Variants in FRMD4A observed in about 807,000 individuals in gnomAD.
FRMD4A encodes FERM domain containing 4A.
A neutral mutation model predicts 129.1 loss-of-function variants in FRMD4A; 29 were observed. The observed-to-expected ratio is 0.22, with a 90% CI of 0.17 to 0.31. The LOEUF is 0.31. FRMD4A is among the 10% of genes least tolerant of loss of function. The pLI is 1.00. For synonymous variants in FRMD4A, 634 were observed against 571.6 expected (o/e 1.11, Z -1.56); for missense variants, 1,272 against 1,375.8 (o/e 0.92, Z 1.19).
At chr10:13,973,100 G>A (rs944867556) in intron 2 of FRMD4A, among the ~76,000 whole-genome samples, 1 of 152,166 alleles carries the variant, frequency 6.6e-6, no homozygotes, top group Non-Finnish European at 1.5e-5. Context: ...TGATCTGACC[G>A]ATGGAAATAA....
At chr10:13,958,071 T>C (rs1028035207) in intron 2 of FRMD4A, among the ~76,000 whole-genome samples, 2 of 152,146 alleles carry the variant, frequency 1.3e-5, no homozygotes, top group African/African-American at 2.4e-5. Context: ...ATTTCTCACC[T>C]GGCCCCATAC....
chr10:13,989,612 C>T (rs565091255), intron 2 of FRMD4A, among the ~76,000 whole-genome samples: 2 of 152,302 alleles, frequency 1.3e-5, no homozygotes, highest in South Asian at 4.1e-4. Flanking sequence ...GAGGCGTGAG[C>T]CAACGCGCCC....
At chr10:14,300,260 G>A (rs1431705139) in intron 2 of FRMD4A, among the ~76,000 whole-genome samples, 1 of 152,142 alleles carries the variant, frequency 6.6e-6, no homozygotes, top group Admixed American at 6.5e-5. Context: ...TTCTGTAACA[G>A]TCAACTCTGA....
intron 2 of FRMD4A, among the ~76,000 whole-genome samples, chr10:14,172,435 C>T (rs562202363): frequency 6.6e-6 from 1 of 152,262 alleles, no homozygotes; most frequent in East Asian, 1.9e-4. Flanking sequence ...CTATAGCATG[C>T]CATTTTAATC....
In FRMD4A at chr10:14,330,854, T is replaced by C; in HGVS notation, c.-339A>G. On this transcript the variant is annotated 5_prime_UTR_variant, in exon 1 of 25. It removes an upstream start codon present in the reference 5' UTR. Coordinates refer to ENST00000357447, the MANE Select transcript of FRMD4A (RefSeq NM_018027.5). Reference sequence around the variant, plus strand: ...AGGGCTAACATACTTAAGAGGAACATGGAATTGCACTGCCTGTTCTGTGAG... The same window carrying C: ...AGGGCTAACATACTTAAGAGGAACACGGAATTGCACTGCCTGTTCTGTGAG... The C allele has an allele frequency of 2.5e-6, 1 of 398,708 alleles. No individual in the cohort carries two copies. Among genetic ancestry groups the C allele is most frequent in the Admixed American group, 4.4e-5 (1 of 22,736 alleles). The allele number at this position is 398,708 out of a possible 1,614,324, so 24.7% of individuals were successfully genotyped here. A position where few individuals can be genotyped will look rare whatever the true frequency, so the allele number is the denominator to read the frequency against.
intron 2 of FRMD4A, among the ~76,000 whole-genome samples, chr10:14,003,203 G>A (rs1440970221): frequency 1.3e-5 from 2 of 152,182 alleles, no homozygotes; most frequent in African/African-American, 4.8e-5. Context: ...TAGAGGAGCA[G>A]GACGGGGAGA....
chr10:14,281,660 C>A (rs1845524328), intron 2 of FRMD4A, among the ~76,000 whole-genome samples: 1 of 152,214 alleles, frequency 6.6e-6, no homozygotes, highest in Admixed American at 6.5e-5. Context: ...TGTTGTACAA[C>A]CATTGCCACC....
At chr10:14,198,259 G>C (rs928937407) in intron 2 of FRMD4A, among the ~76,000 whole-genome samples, 1 of 152,200 alleles carries the variant, frequency 6.6e-6, no homozygotes, top group Non-Finnish European at 1.5e-5. Context: ...TGTCAGCACA[G>C]AGTCTTGGAG....
At position 13,654,752 on chromosome 10, in the gene FRMD4A, G is replaced by T. The variant is rs2081993247; in HGVS notation, c.2954-240C>A. On this transcript the variant is annotated intron_variant, in intron 22 of 24. Coordinates refer to ENST00000357447, the MANE Select transcript of FRMD4A (RefSeq NM_018027.5). ...CATTCCATTTTCTACCCACTACCAT[G>T]CACCTTCATTCTGAGTCAAGCTGAC... 9.1e-6 allele frequency: 5 copies of T among 550,596 alleles called. No homozygotes were observed. The South Asian group carries it at 1.3e-4, about 14-fold the overall frequency. 34.1% of individuals were successfully genotyped at this position (550,596 alleles called of 1,614,324 possible). A position where few individuals can be genotyped will look rare whatever the true frequency, so the allele number is the denominator to read the frequency against.
At chr10:13,998,914 C>A (rs1399487380) in intron 2 of FRMD4A, among the ~76,000 whole-genome samples, 3 of 152,144 alleles carry the variant, frequency 2.0e-5, no homozygotes, top group Non-Finnish European at 4.4e-5. Flanking sequence ...TCAGTCTTAC[C>A]CAGAGTAAAA....
chr10:13,691,658 C>T (rs2085704484), intron 15 of FRMD4A, among the ~76,000 whole-genome samples: 1 of 152,310 alleles, frequency 6.6e-6, no homozygotes, highest in Admixed American at 6.5e-5. Context: ...TTGACAAGCC[C>T]TCCAAGTGGT....
intron 2 of FRMD4A, among the ~76,000 whole-genome samples, chr10:14,166,794 T>C (rs909221571): frequency 3.3e-5 from 5 of 152,240 alleles, no homozygotes; most frequent in Non-Finnish European, 7.3e-5. Context: ...TATTATTTCA[T>C]GGAGATAGTT....
chr10:13,990,735 C>A (rs190994294), intron 2 of FRMD4A, among the ~76,000 whole-genome samples: 1 of 152,138 alleles, frequency 6.6e-6, no homozygotes, highest in Admixed American at 6.5e-5. Context: ...ATCTCCAGAT[C>A]GGAAACTCAG....
intron 23 of FRMD4A, chr10:13,652,182 G>A: frequency 1.7e-6 from 1 of 591,242 alleles, no homozygotes. Context: ...GGAGGGACGG[G>A]CCCTCTTTTA....
At chr10:13,801,724 T>C (rs906131276) in intron 4 of FRMD4A, among the ~76,000 whole-genome samples, 1 of 152,220 alleles carries the variant, frequency 6.6e-6, no homozygotes, top group South Asian at 2.1e-4. Flanking sequence ...TGTTGTTTTC[T>C]GCTCATCTCT....
chr10:13,718,036 AATT>A (rs1159752977), intron 12 of FRMD4A, among the ~76,000 whole-genome samples: 1 of 152,220 alleles, frequency 6.6e-6, no homozygotes, highest in East Asian at 1.9e-4. Flanking sequence ...GTTTGGGAAT[AATT>A]ATTTAACAGC....
At chr10:14,289,358 G>T (rs1038497314) in intron 2 of FRMD4A, among the ~76,000 whole-genome samples, 1 of 151,952 alleles carries the variant, frequency 6.6e-6, no homozygotes, top group Non-Finnish European at 1.5e-5. Context: ...TGTTTCATAT[G>T]CATTTTCCTG....
intron 5 of FRMD4A, among the ~76,000 whole-genome samples, chr10:13,789,769 A>ATG (rs57602565): frequency 0.08 from 10,395 of 130,080 alleles, 484 homozygotes; most frequent in East Asian, 0.19. Flanking sequence ...GCTGCTTATA[A>ATG]TGTGTGTGTG....
intron 2 of FRMD4A, among the ~76,000 whole-genome samples, chr10:13,934,092 G>A (rs1036273869): frequency 6.6e-6 from 1 of 152,146 alleles, no homozygotes; most frequent in Non-Finnish European, 1.5e-5. Context: ...CAAGCACCCT[G>A]GAAAAAATAT....
Sources: allele counts gnomAD v4.1 joint callset (sites outside exome capture counted in the v4.1 genomes callset), GRCh38; gene constraint gnomAD v4.1.1; transcripts MANE v1.5; gene names NCBI Gene and HGNC (gene_info 2026-07-23, HGNC 2026-07-21).